Variants in PEX11B observed in about 807,000 individuals in gnomAD.
PEX11B encodes the protein peroxisomal membrane protein 11B.
A neutral mutation model predicts 28.2 loss-of-function variants in PEX11B; 18 were observed. That is an observed-to-expected ratio of 0.64 (90% confidence interval 0.44 to 0.95). The LOEUF (loss-of-function observed/expected upper bound fraction) is 0.95. PEX11B is among the 40% of genes least tolerant of loss of function. The probability of loss-of-function intolerance (pLI) is 0.00; values close to 1 mark genes in which losing one functional copy is unlikely to be tolerated. For synonymous variants in PEX11B, 128 were observed against 128.7 expected (o/e 0.99, Z 0.04); for missense variants, 305 against 319.8 (o/e 0.95, Z 0.35).
chr1:145,913,753 G>A (rs985470863), intron 3 of PEX11B, among the ~76,000 whole-genome samples: 2 of 152,042 alleles, frequency 1.3e-5, no homozygotes, highest in African/African-American at 4.8e-5. Context: ...TCCTTTAGAG[G>A]CCCAGAGGTT....
rs1657802579 is a variant in PEX11B, at chr1:145,911,828, G to A, written c.*333C>T. 5.6e-6 allele frequency: 1 copy of A among 179,482 alleles called. No homozygotes were observed. Among genetic ancestry groups the A allele is most frequent in the South Asian group, 1.9e-4 (1 of 5,210 alleles). 11.1% of individuals were successfully genotyped at this position (179,482 alleles called of 1,614,324 possible). On this transcript the variant is annotated 3_prime_UTR_variant, in exon 4 of 4. Coordinates refer to ENST00000369306, the MANE Select transcript of PEX11B (RefSeq NM_003846.3). ...ATTCTGCTGATTAAATCCCTGGATA[G>A]GAGAATGAGAAGGTTGAAAAAAGAA...
intron 1 of PEX11B, chr1:145,918,193 T>C: frequency 1.0e-6 from 1 of 985,200 alleles, no homozygotes; most frequent in Non-Finnish European, 1.2e-6. Flanking sequence ...AACTGAGAGA[T>C]TTCAAGGCCC....
intron 3 of PEX11B, among the ~76,000 whole-genome samples, chr1:145,913,798 C>G (rs1251133600): frequency 6.6e-6 from 1 of 152,112 alleles, no homozygotes; most frequent in Non-Finnish European, 1.5e-5. Context: ...TTATAAATTT[C>G]TTCAGTAAAA....
At position 145,917,278 on chromosome 1, in the gene PEX11B, A is replaced by G. The variant is rs587635426; in HGVS notation, c.173-260T>C. 9.9e-5 allele frequency among the ~76,000 whole-genome samples: 15 copies of G among 152,184 alleles called. No homozygotes were observed. The South Asian group carries it at 3.1e-3, about 32-fold the overall frequency. ...TAACCCCATCTCTACTAAAAATACAAAAATTAGCCCGGCATGGTGGTGGGC... is the reference window on the plus strand; with the variant it reads ...TAACCCCATCTCTACTAAAAATACAGAAATTAGCCCGGCATGGTGGTGGGC... On this transcript the variant is annotated intron_variant, in intron 2 of 3. Coordinates refer to ENST00000369306, the MANE Select transcript of PEX11B (RefSeq NM_003846.3).
intron 3 of PEX11B, among the ~76,000 whole-genome samples, 174 bp from the exon 4 acceptor site, chr1:145,912,740 C>T (rs1018637372): frequency 6.6e-6 from 1 of 152,088 alleles, no homozygotes; most frequent in South Asian, 2.1e-4. Flanking sequence ...CTATGCTAAG[C>T]AAAATAAGCC....
intron 1 of PEX11B, 36 bp downstream of exon 1, chr1:145,918,596 CT>C: frequency 1.2e-5 from 18 of 1,561,136 alleles, no homozygotes; most frequent in Non-Finnish European, 1.6e-5. Flanking sequence ...CTGTCCATCC[CT>C]CCCCCGCCCC....
intron 1 of PEX11B, chr1:145,918,346 T>G: frequency 1.3e-6 from 2 of 1,523,530 alleles, no homozygotes; most frequent in Non-Finnish European, 1.8e-6. Context: ...CGAATGCTCC[T>G]CATTCCATCA....
chr1:145,915,703 G>A (rs782737078), intron 3 of PEX11B, among the ~76,000 whole-genome samples: 2 of 147,834 alleles, frequency 1.4e-5, no homozygotes, highest in African/African-American at 2.5e-5. Flanking sequence ...GCACGATCTC[G>A]GCTCACTGCA....
intron 3 of PEX11B, 31 bp from the exon 4 acceptor site, chr1:145,912,597 G>C: frequency 7.2e-7 from 1 of 1,396,948 alleles, no homozygotes. Flanking sequence ...GTCAGTAAGG[G>C]CATGTATACC....
intron 3 of PEX11B, among the ~76,000 whole-genome samples, chr1:145,916,099 C>G (rs1570934633): frequency 2.6e-5 from 4 of 152,332 alleles, no homozygotes; most frequent in Admixed American, 2.6e-4. Context: ...GCCTGTCTAT[C>G]TCTCAAATTT....
intron 3 of PEX11B, among the ~76,000 whole-genome samples, chr1:145,915,614 ATTTTC>A (rs1198825710): frequency 5.0e-4 from 68 of 137,104 alleles, no homozygotes; most frequent in South Asian, 1.2e-3. Context: ...ACTGCAATCC[ATTTTC>A]TTTTCTTTTC....
chr1:145,912,142 C>G lies in PEX11B; in HGVS notation c.*19G>C, dbSNP rs781893219. The G allele has an allele frequency of 6.4e-7, 1 of 1,561,540 alleles. No individual in the cohort carries two copies. Among genetic ancestry groups the G allele is most frequent in the South Asian group, 1.2e-5 (1 of 82,188 alleles). On this transcript the variant is annotated 3_prime_UTR_variant, in exon 4 of 4. Transcript: ENST00000369306. ...CCATCTCACCAATTCAGGTCCCCTC[C>G]TTATCCTGTACCGGAAGGTCAGGGC...
In PEX11B at chr1:145,917,031, A is replaced by G; in HGVS notation, c.173-13T>C. The G allele has an allele frequency of 6.4e-7, 1 of 1,567,466 alleles. No individual in the cohort carries two copies. The highest frequency in any genetic ancestry group is 8.8e-7 in the Non-Finnish European group (1 of 1,137,536). On this transcript the variant is annotated splice_polypyrimidine_tract_variant and intron_variant, in intron 2 of 3. Coordinates refer to ENST00000369306, the MANE Select transcript of PEX11B (RefSeq NM_003846.3). ...CCCAGGCGTAGAACTTGTGGAGATT[A>G]GAAAGGGAAAGCAAGGATTTGTAAG...
Position 145,912,242 on chromosome 1 carries a change from C to T in PEX11B, c.699G>A (p.Gly233=). Residue 233 remains glycine (G), a synonymous_variant, in exon 4 of 4, where the codon GGG becomes GGA. Transcript: ENST00000369306. ...ACACGAGGCCACAAAGCCCCACAATCCCAGGGCCACAGCGCCAGAGGCCTA... is the reference window on the plus strand; with the variant it reads ...ACACGAGGCCACAAAGCCCCACAATTCCAGGGCCACAGCGCCAGAGGCCTA... The part of the protein sequence containing the change: ...DKLGLWRCGP[G]IVGLCGLVSS... The T allele has an allele frequency of 1.9e-6, 3 of 1,613,968 alleles. No homozygotes were observed. Among genetic ancestry groups the T allele is most frequent in the Non-Finnish European group, 2.5e-6 (3 of 1,179,936 alleles).
chr1:145,915,667 CTT>C (rs1647337653), intron 3 of PEX11B, among the ~76,000 whole-genome samples: 1 of 140,762 alleles, frequency 7.1e-6, no homozygotes, highest in Non-Finnish European at 1.5e-5. Flanking sequence ...GAGTCTTGCT[CTT>C]GTCACCTAGG....
chr1:145,917,974 A>C (rs1553754214), intron 1 of PEX11B, 158 bp from the exon 2 acceptor site: 1 of 978,486 alleles, frequency 1.0e-6, no homozygotes, highest in East Asian at 1.1e-4. Flanking sequence ...AGGCCAGAGG[A>C]AGGGAAAGGC....
chr1:145,915,998 C>T (rs1647358613), intron 3 of PEX11B, among the ~76,000 whole-genome samples: 1 of 152,230 alleles, frequency 6.6e-6, no homozygotes, highest in East Asian at 1.9e-4. Flanking sequence ...ATGTCATTTC[C>T]CTGCTCAGAA....
At chr1:145,917,296 T>C (rs1166046522) in intron 2 of PEX11B, among the ~76,000 whole-genome samples, 1 of 152,040 alleles carries the variant, frequency 6.6e-6, no homozygotes, top group Non-Finnish European at 1.5e-5. Flanking sequence ...CCCGGCATGG[T>C]GGTGGGCACC....
rs782079038 is a variant in PEX11B at position 145,918,672 on chromosome 1, C to G, written c.17G>C (p.Arg6Pro). 1 of 1,583,624 alleles carries G rather than the reference C, an allele frequency of 6.3e-7. No homozygotes were observed. Among genetic ancestry groups the G allele is most frequent in the Non-Finnish European group, 8.6e-7 (1 of 1,166,092 alleles). The change falls in exon 1 of 4, where the codon CGC (arginine) becomes CCC (proline). Residue 6 changes from arginine (R) to proline (P), a missense_variant. Physicochemically the swap from Arg to Pro is moderately radical, Grantham distance 103. Transcript: ENST00000369306. Reference sequence around the variant, plus strand: ...CCGGGCTTGGCTCTGAGCACTGAAGCGGACCCAGGCGTCCATGACAGCCGC... The same window carrying G: ...CCGGGCTTGGCTCTGAGCACTGAAGGGGACCCAGGCGTCCATGACAGCCGC... Reference protein sequence around the residue: MDAWVRFSAQSQARER... With the variant: MDAWVPFSAQSQARER...
Sources: gnomAD v4.1 joint callset for allele counts (sites outside exome capture counted in the v4.1 genomes callset) on GRCh38, gnomAD v4.1.1 for gene constraint, MANE v1.5 for transcripts, NCBI Gene and HGNC (gene_info 2026-07-23, HGNC 2026-07-21) for gene names.